IFI44L: variants seen among roughly 807,000 people sequenced by gnomAD.
IFI44L encodes interferon induced protein 44 like.
In IFI44L, 40 loss-of-function variants were observed where a neutral mutation model predicts 39.3. The observed-to-expected ratio is 1.02, with a 90% CI of 0.79 to 1.33. The LOEUF is 1.33. Ranked by LOEUF, IFI44L falls within the 40% of genes most tolerant of loss-of-function variation. The probability of loss-of-function intolerance (pLI) is 0.00; values close to 1 mark genes in which losing one functional copy is unlikely to be tolerated. For synonymous variants in IFI44L, 198 were observed against 182.3 expected (o/e 1.09, Z -0.69); for missense variants, 623 against 549.0 (o/e 1.13, Z -1.35).
At position 78,642,992 on chromosome 1, in the gene IFI44L, T is replaced by C. The variant is rs1009212944; in HGVS notation, c.*1183T>C. 1 of 152,062 alleles carries C rather than the reference T, an allele frequency of 6.6e-6. No individual in the cohort carries two copies. The highest frequency in any genetic ancestry group is 1.5e-5 in the Non-Finnish European group (1 of 68,006). 9.4% of individuals were successfully genotyped at this position (152,062 alleles called of 1,614,324 possible). ...ATTCCCAAAAGATAGCTTTCACTTT[T>C]TTTTTTCCTTAAAGACTTCCTAATT... On this transcript the variant is annotated 3_prime_UTR_variant, in exon 9 of 9. Transcript: ENST00000370751.
At chr1:78,629,971 T>C (rs1436270169) in intron 4 of IFI44L, 56 bp downstream of exon 4, 1 of 1,464,722 alleles carries the variant, frequency 6.8e-7, no homozygotes, top group South Asian at 1.2e-5. Flanking sequence ...ATATTGCTTA[T>C]GTCTTTGCCT....
chr1:78,626,723 T>A (rs1309335780), intron 1 of IFI44L: 2 of 151,118 alleles, frequency 1.3e-5, no homozygotes, highest in East Asian at 1.9e-4. Flanking sequence ...GTATAAGTGG[T>A]TTTTTTTTAC....
Position 78,641,534 on chromosome 1 carries a change from C to T in IFI44L, c.1249C>T (p.Leu417Phe). Residue 417 changes from leucine (L) to phenylalanine (F), a missense_variant, in exon 8 of 9, where the codon CTC becomes TTC. Physicochemically the swap from Leu to Phe is conservative, Grantham distance 22. Transcript: ENST00000370751. ...GGAACTGGACCCCATGAAGGATATT[C>T]TCATCCTCTCTGCACTGAGGCAGAT... ...DLELDPMKDI[L>F]ILSALRQMLR... The T allele has an allele frequency of 6.2e-7, 1 of 1,613,698 alleles. No homozygotes were observed. The highest frequency in any genetic ancestry group is 1.1e-5 in the South Asian group (1 of 91,074).
intron 4 of IFI44L, among the ~76,000 whole-genome samples, chr1:78,632,664 C>A (rs1236203926): frequency 6.6e-6 from 1 of 152,106 alleles, no homozygotes; most frequent in Non-Finnish European, 1.5e-5. Context: ...TACCTGAAAG[C>A]TATACAGTGA....
At chr1:78,624,633 C>G (rs943760986) in intron 1 of IFI44L, among the ~76,000 whole-genome samples, 2 of 152,086 alleles carry the variant, frequency 1.3e-5, no homozygotes, top group Non-Finnish European at 2.9e-5. Flanking sequence ...TCCTATTGAT[C>G]TTCTGTTTGG....
intron 1 of IFI44L, chr1:78,627,238 AT>A (rs1652525811): frequency 6.6e-6 from 1 of 151,968 alleles, no homozygotes; most frequent in African/African-American, 2.4e-5. Context: ...TAACACATGC[AT>A]TTTTATAGTT....
chr1:78,632,009 C>T (rs1289612617), intron 4 of IFI44L, among the ~76,000 whole-genome samples: 1 of 152,128 alleles, frequency 6.6e-6, no homozygotes, highest in Non-Finnish European at 1.5e-5. Flanking sequence ...TTGGAATACA[C>T]ATCATTTTGA....
intron 6 of IFI44L, among the ~76,000 whole-genome samples, chr1:78,638,871 T>G (rs757417382): frequency 5.3e-5 from 8 of 152,126 alleles, no homozygotes; most frequent in Non-Finnish European, 8.8e-5. Flanking sequence ...GGTTTTGATG[T>G]GACAAATGAT....
At chr1:78,624,228 T>C (rs1353996828) in intron 1 of IFI44L, among the ~76,000 whole-genome samples, 1 of 152,156 alleles carries the variant, frequency 6.6e-6, no homozygotes, top group Non-Finnish European at 1.5e-5. Flanking sequence ...ACTCATGACC[T>C]CAAGTGTTCC....
chr1:78,635,316 CTT>C lies in IFI44L; in HGVS notation c.724-20_724-19del. On this transcript the variant is annotated intron_variant, in intron 4 of 8. Transcript: ENST00000370751. ...GCTGGGTGATGAATGAACCTTTACA[CTT>C]AATGTATTTTTTTAACAGTATAGGA... The C allele has an allele frequency of 6.5e-7, 1 of 1,533,886 alleles. No individual in the cohort carries two copies. Among genetic ancestry groups the C allele is most frequent in the South Asian group, 1.1e-5 (1 of 87,562 alleles).
In IFI44L at chr1:78,643,158, C is replaced by CTTTTTTTTTTTTTTTTTTTT. The variant is rs1303490900; in HGVS notation, c.*1351_*1352insTTTTTTTTTTTTTTTTTTTT. The CTTTTTTTTTTTTTTTTTTTT allele has an allele frequency of 7.4e-4, 112 of 151,530 alleles. No individual in the cohort carries two copies. The highest frequency in any genetic ancestry group is 1.2e-3 in the Non-Finnish European group (78 of 67,784). The allele number at this position is 151,530 out of a possible 1,614,324, so 9.4% of individuals were successfully genotyped here. ...ATAGATATTAAGAAAGCAAGAGTTT[C>CTTTTTTTTTTTTTTTTTTTT]TTATGTCCAGTTATGGAATATTTCC... On this transcript the variant is annotated 3_prime_UTR_variant, in exon 9 of 9. Transcript: ENST00000370751.
intron 1 of IFI44L, among the ~76,000 whole-genome samples, chr1:78,622,956 C>A (rs1652331310): frequency 6.6e-6 from 1 of 152,178 alleles, no homozygotes; most frequent in African/African-American, 2.4e-5. Context: ...GAGAACCAAA[C>A]TGGATTTCTG....
Position 78,628,998 on chromosome 1 carries a change from G to T in IFI44L, c.526G>T (p.Glu176Ter), listed in dbSNP as rs1232787225. Residue 176 changes from glutamate (E) to a stop codon, truncating the protein, a stop_gained and splice_region_variant, in exon 3 of 9, where the codon GAG becomes TAG. Transcript: ENST00000370751. LOFTEE classifies it high-confidence loss of function. The stretch of plus-strand genomic sequence containing the variant: ...CATAAAGAGGATAATTAAAGCCAGA[G>T]AGTAAGTTGGATTCTTGGGCTATCT... ...DDIKRIIKAR[E>*]HRNRLLADIR... 6.4e-7 allele frequency: 1 copy of T among 1,572,680 alleles called. No homozygotes were observed. Among genetic ancestry groups the T allele is most frequent in the East Asian group, 2.2e-5 (1 of 44,572 alleles).
At chr1:78,640,929 C>A in intron 6 of IFI44L, 92 bp from the exon 7 acceptor site, 2 of 808,100 alleles carry the variant, frequency 2.5e-6, no homozygotes, top group East Asian at 2.5e-5. Context: ...CTCTCAAAAT[C>A]ACCCTATAGA....
intron 6 of IFI44L, among the ~76,000 whole-genome samples, chr1:78,639,736 T>C (rs1449547444): frequency 6.6e-6 from 1 of 152,136 alleles, no homozygotes; most frequent in Admixed American, 6.6e-5. Context: ...GAACTGGAAG[T>C]ACTCTCACTG....
At chr1:78,636,479 A>G (rs1444850451) in intron 5 of IFI44L, among the ~76,000 whole-genome samples, 1 of 152,108 alleles carries the variant, frequency 6.6e-6, no homozygotes, top group Non-Finnish European at 1.5e-5. Flanking sequence ...TTCATAATCT[A>G]TTTCCTTAAT....
chr1:78,630,200 A>G (rs1652698053), intron 4 of IFI44L: 1 of 292,994 alleles, frequency 3.4e-6, no homozygotes, highest in Non-Finnish European at 6.4e-6. Context: ...ACCATTATAT[A>G]TGATGTTCAT....
chr1:78,638,963 G>A (rs1378361109), intron 6 of IFI44L, among the ~76,000 whole-genome samples: 3 of 152,034 alleles, frequency 2.0e-5, no homozygotes, highest in African/African-American at 7.2e-5. Flanking sequence ...AACATATTCT[G>A]ATACTGGTAA....
chr1:78,622,248 A>G (rs1002320155), intron 1 of IFI44L, among the ~76,000 whole-genome samples: 1 of 152,216 alleles, frequency 6.6e-6, no homozygotes, highest in African/African-American at 2.4e-5. Flanking sequence ...ATGTTGCTGC[A>G]AATGACATGA....
Sources: gnomAD v4.1 joint callset for allele counts (sites outside exome capture counted in the v4.1 genomes callset) on GRCh38, gnomAD v4.1.1 for gene constraint, MANE v1.5 for transcripts, NCBI Gene and HGNC (gene_info 2026-07-23, HGNC 2026-07-21) for gene names.